The following ATG14 variants were observed in gnomAD, a reference collection of about 807,000 sequenced individuals.
ATG14 encodes the protein beclin 1-associated autophagy-related key regulator.
In ATG14, 35 loss-of-function variants were observed where a neutral mutation model predicts 60.4. That is an observed-to-expected ratio of 0.58 (90% CI 0.44 to 0.77). ATG14 has a LOEUF of 0.77. ATG14 is among the 30% of genes least tolerant of loss of function. ATG14 has a pLI of 0.00. For synonymous variants in ATG14, 234 were observed against 228.8 expected (o/e 1.02, Z -0.21); for missense variants, 647 against 626.3 (o/e 1.03, Z -0.35).
chr14:55,390,939 T>A lies in ATG14; in HGVS notation c.381A>T (p.Ile127=), dbSNP rs1196207877. 1 of 1,604,540 alleles carries A rather than the reference T, an allele frequency of 6.2e-7. No individual in the cohort carries two copies. The highest frequency in any genetic ancestry group is 8.5e-7 in the Non-Finnish European group (1 of 1,173,884). ...KMRIEQLKQT[I]CKGNEEMEKN... is the part of the protein sequence containing the mutation. ...TCTCCATTTCTTCATTTCCTTTACA[T>A]ATTGTTTGTTTTAACTGTTCAATCC... Residue 127 remains isoleucine (I), a synonymous_variant, in exon 4 of 10, where the codon ATA becomes ATT. Transcript: ENST00000247178.
At chr14:55,390,775 A>G in intron 4 of ATG14, 136 bp downstream of exon 4, 1 of 635,984 alleles carries the variant, frequency 1.6e-6, no homozygotes, top group Non-Finnish European at 2.8e-6. Context: ...AGGAAAGATG[A>G]GGGCGAGTAG....
intron 9 of ATG14, among the ~76,000 whole-genome samples, chr14:55,377,426 C>A (rs1884940099): frequency 6.6e-6 from 1 of 151,944 alleles, no homozygotes; most frequent in Admixed American, 6.6e-5. Context: ...GGAAACAGGG[C>A]AGACACTAGG....
chr14:55,369,571 G>A lies in ATG14; in HGVS notation c.*48C>T. The A allele has an allele frequency of 7.0e-7, 1 of 1,429,822 alleles. No individual in the cohort carries two copies. The highest frequency in any genetic ancestry group is 9.3e-7 in the Non-Finnish European group (1 of 1,072,236). The allele number at this position is 1,429,822 out of a possible 1,614,324, so 88.6% of individuals were successfully genotyped here. ...GAAAATGTTTACTAGAGTGTAGTGGGAGAAGAACTTTCTTGATGCAGATTT... is the reference window on the plus strand; with the variant it reads ...GAAAATGTTTACTAGAGTGTAGTGGAAGAAGAACTTTCTTGATGCAGATTT... On this transcript the variant is annotated 3_prime_UTR_variant, in exon 10 of 10. Coordinates refer to ENST00000247178, the MANE Select transcript of ATG14 (RefSeq NM_014924.5).
intron 4 of ATG14, among the ~76,000 whole-genome samples, chr14:55,387,068 C>T (rs937952015): frequency 1.3e-5 from 2 of 152,082 alleles, no homozygotes; most frequent in African/African-American, 2.4e-5. Flanking sequence ...TCCTAGTTAA[C>T]GCTCACCAAC....
chr14:55,370,151 A>T (rs959944948), intron 9 of ATG14, among the ~76,000 whole-genome samples: 1 of 152,150 alleles, frequency 6.6e-6, no homozygotes, highest in Non-Finnish European at 1.5e-5. Flanking sequence ...ACTTTCCCAC[A>T]AGTCTGCCTA....
At chr14:55,401,551 T>A (rs1039853916) in intron 1 of ATG14, among the ~76,000 whole-genome samples, 5 of 152,360 alleles carry the variant, frequency 3.3e-5, no homozygotes, top group Admixed American at 2.6e-4. Context: ...ACTAAATTAT[T>A]CCATACTTAT....
intron 6 of ATG14, 41 bp from the exon 7 acceptor site, chr14:55,380,731 C>T: frequency 7.6e-7 from 1 of 1,322,626 alleles, no homozygotes; most frequent in Non-Finnish European, 1.1e-6. Context: ...AACCTTAATT[C>T]CAACAAAACT....
intron 6 of ATG14, among the ~76,000 whole-genome samples, chr14:55,381,514 T>C (rs1456705250): frequency 6.6e-6 from 1 of 152,216 alleles, no homozygotes; most frequent in South Asian, 2.1e-4. Context: ...CATCAAGTGA[T>C]GAATGAATAA....
chr14:55,372,590 A>T (rs1223999432), intron 9 of ATG14, among the ~76,000 whole-genome samples: 2 of 114,088 alleles, frequency 1.8e-5, no homozygotes, highest in South Asian at 2.7e-4. Context: ...TTTCTTCCTC[A>T]CTCCTTCCCT....
intron 5 of ATG14, among the ~76,000 whole-genome samples, chr14:55,384,124 A>G (rs1594779217): frequency 6.6e-6 from 1 of 152,358 alleles, no homozygotes; most frequent in East Asian, 1.9e-4. Context: ...AAGGCAAACA[A>G]GAAACCTTAT....
chr14:55,399,023 A>G (rs1885359237), intron 1 of ATG14, among the ~76,000 whole-genome samples: 1 of 152,226 alleles, frequency 6.6e-6, no homozygotes. Flanking sequence ...ACAATTCAAC[A>G]GGCCATAACA....
At chr14:55,383,760 TCAAAA>T (rs1340679895) in intron 5 of ATG14, among the ~76,000 whole-genome samples, 1 of 150,104 alleles carries the variant, frequency 6.7e-6, no homozygotes, top group Non-Finnish European at 1.5e-5. Flanking sequence ...CCCTCTCAAA[TCAAAA>T]AACAAAAAAA....
At chr14:55,385,295 T>G (rs1348095961) in intron 5 of ATG14, among the ~76,000 whole-genome samples, 1 of 152,138 alleles carries the variant, frequency 6.6e-6, no homozygotes, top group African/African-American at 2.4e-5. Flanking sequence ...TCTGGTTTTT[T>G]TTTGTTTGTT....
At position 55,368,956 on chromosome 14, in the gene ATG14, T is replaced by G. The variant is rs1884747232; in HGVS notation, c.*663A>C. 1 of 152,632 alleles carries G rather than the reference T, an allele frequency of 6.6e-6. No individual in the cohort carries two copies. Among genetic ancestry groups the G allele is most frequent in the Non-Finnish European group, 1.5e-5 (1 of 68,030 alleles). 9.5% of individuals were successfully genotyped at this position (152,632 alleles called of 1,614,324 possible). On this transcript the variant is annotated 3_prime_UTR_variant, in exon 10 of 10. Coordinates refer to ENST00000247178, the MANE Select transcript of ATG14 (RefSeq NM_014924.5). ...TTGCAGCCAGGATTTCTTCCATTTA[T>G]GGATGTGGGTCCTAAAGAAAAAGAC...
chr14:55,380,794 C>G (rs532649517), intron 6 of ATG14, 104 bp from the exon 7 acceptor site: 2 of 579,522 alleles, frequency 3.5e-6, no homozygotes, highest in Admixed American at 3.1e-5. Flanking sequence ...AGCACTGTTA[C>G]GTTTTAGTGC....
chr14:55,411,317 C>T (rs1421536959), intron 1 of ATG14, among the ~76,000 whole-genome samples: 1 of 152,232 alleles, frequency 6.6e-6, no homozygotes, highest in Non-Finnish European at 1.5e-5. Context: ...GAAAACTTCT[C>T]CAGAGAGTCA....
rs1276280826 is a variant in ATG14, at chr14:55,411,633, A to T, written c.190T>A (p.Phe64Ile). The T allele has an allele frequency of 1.1e-5, 17 of 1,612,686 alleles. No homozygotes were observed. The highest frequency in any genetic ancestry group is 1.4e-5 in the Non-Finnish European group (17 of 1,179,796). Residue 64 changes from phenylalanine (F) to isoleucine (I), a missense_variant, in exon 1 of 10, where the codon TTC becomes ATC. Phe to Ile is a conservative substitution (Grantham distance 21). Transcript: ENST00000247178. Reference protein sequence around the residue: ...TCAKCVQSGDFVYFDGRDRER... With the variant: ...TCAKCVQSGDIVYFDGRDRER... ...CGGTCGCGGCCGTCGAAGTAGACGA[A>T]ATCGCCGCTCTGAACGCATTTGGCG...
chr14:55,380,853 G>GTATATATATATA (rs1194666951), intron 6 of ATG14, among the ~76,000 whole-genome samples, 163 bp from the exon 7 acceptor site: 56 of 107,986 alleles, frequency 5.2e-4, no homozygotes, highest in African/African-American at 1.7e-3. Context: ...CATTCTTTGT[G>GTATATATATATA]TGTATATATA....
Position 55,366,759 on chromosome 14 carries a change from T to C in ATG14, c.*2860A>G, listed in dbSNP as rs1884688128. The C allele has an allele frequency of 6.5e-6, 1 of 152,798 alleles. No individual in the cohort carries two copies. Among genetic ancestry groups the C allele is most frequent in the South Asian group, 2.1e-4 (1 of 4,834 alleles). The allele number at this position is 152,798 out of a possible 1,614,324, so 9.5% of individuals were successfully genotyped here. A position where few individuals can be genotyped will look rare whatever the true frequency, so the allele number is the denominator to read the frequency against. On this transcript the variant is annotated 3_prime_UTR_variant, in exon 10 of 10. Coordinates refer to ENST00000247178, the MANE Select transcript of ATG14 (RefSeq NM_014924.5). ...GTAAATCATTTTAAAATGGAAAACATGACCAAGTTCTATGGCTTTTTGTTT... is the reference window on the plus strand; with the variant it reads ...GTAAATCATTTTAAAATGGAAAACACGACCAAGTTCTATGGCTTTTTGTTT...
Sources: allele counts gnomAD v4.1 joint callset (sites outside exome capture counted in the v4.1 genomes callset), GRCh38; gene constraint gnomAD v4.1.1; transcripts MANE v1.5; gene names NCBI Gene and HGNC (gene_info 2026-07-23, HGNC 2026-07-21).